Variants in TCF7L1 observed in about 807,000 individuals in gnomAD.
TCF7L1 encodes transcription factor 7-like 1.
Under a neutral mutation model 63.7 loss-of-function variants are expected in TCF7L1, and 18 were observed. The ratio of observed to expected loss-of-function variants is 0.28; its 90% CI spans 0.20 to 0.42. TCF7L1 has a LOEUF of 0.42. Among genes scored for constraint, TCF7L1 ranks in the 10% least tolerant of loss-of-function variants. The probability of loss-of-function intolerance (pLI) is 1.00; values close to 1 mark genes in which losing one functional copy is unlikely to be tolerated. For synonymous variants in TCF7L1, 355 were observed against 340.9 expected (o/e 1.04, Z -0.46); for missense variants, 654 against 779.3 (o/e 0.84, Z 1.91).
At chr2:85,243,742 A>G (rs1680394875) in intron 3 of TCF7L1, among the ~76,000 whole-genome samples, 1 of 152,056 alleles carries the variant, frequency 6.6e-6, no homozygotes, top group Non-Finnish European at 1.5e-5. Context: ...CGTTCAGGAG[A>G]TATACGCTGA....
chr2:85,261,773 G>C (rs1250041930), intron 3 of TCF7L1, among the ~76,000 whole-genome samples: 1 of 152,050 alleles, frequency 6.6e-6, no homozygotes, highest in Non-Finnish European at 1.5e-5. Flanking sequence ...TATAGTCCCA[G>C]CTACTCAAGA....
At chr2:85,214,722 G>A (rs529476871) in intron 3 of TCF7L1, among the ~76,000 whole-genome samples, 23 of 152,134 alleles carry the variant, frequency 1.5e-4, no homozygotes, top group African/African-American at 5.3e-4. Context: ...TAAGATGTGG[G>A]GAATCGCTCT....
intron 8 of TCF7L1, 88 bp downstream of exon 8, chr2:85,305,491 C>G (rs894675254): frequency 2.7e-6 from 4 of 1,460,270 alleles, no homozygotes; most frequent in African/African-American, 1.4e-5. Context: ...GTCATGTACT[C>G]TTCTCTCTTG....
At chr2:85,283,750 C>T (rs1329555060) in intron 4 of TCF7L1, among the ~76,000 whole-genome samples, 172 bp downstream of exon 4, 1 of 152,156 alleles carries the variant, frequency 6.6e-6, no homozygotes, top group African/African-American at 2.4e-5. Context: ...GTTGTGACCT[C>T]AACACACACA....
At chr2:85,155,209 C>T (rs746053825) in intron 3 of TCF7L1, among the ~76,000 whole-genome samples, 1 of 152,108 alleles carries the variant, frequency 6.6e-6, no homozygotes, top group Non-Finnish European at 1.5e-5. Flanking sequence ...TTCTGTCTTA[C>T]GAGAGGTTTG....
chr2:85,299,977 T>C (rs2104385413), intron 4 of TCF7L1, among the ~76,000 whole-genome samples: 1 of 151,924 alleles, frequency 6.6e-6, no homozygotes, highest in East Asian at 1.9e-4. Context: ...ATGGTGCAGT[T>C]ATGTTGTCTA....
At chr2:85,300,053 G>A (rs1055886869) in intron 4 of TCF7L1, among the ~76,000 whole-genome samples, 4 of 152,138 alleles carry the variant, frequency 2.6e-5, no homozygotes, top group African/African-American at 9.7e-5. Flanking sequence ...GTTATTCATA[G>A]TATATTTTTT....
At chr2:85,216,019 G>A (rs1679695226) in intron 3 of TCF7L1, among the ~76,000 whole-genome samples, 1 of 152,118 alleles carries the variant, frequency 6.6e-6, no homozygotes, top group African/African-American at 2.4e-5. Context: ...GCGCTGGGCG[G>A]GGGACAATCT....
At chr2:85,231,341 A>G (rs915021504) in intron 3 of TCF7L1, among the ~76,000 whole-genome samples, 1 of 152,176 alleles carries the variant, frequency 6.6e-6, no homozygotes, top group Non-Finnish European at 1.5e-5. Flanking sequence ...GAACCACTTC[A>G]CATCTGAGAA....
intron 3 of TCF7L1, among the ~76,000 whole-genome samples, chr2:85,181,254 G>A (rs999319998): frequency 5.3e-5 from 8 of 152,208 alleles, no homozygotes; most frequent in Non-Finnish European, 1.0e-4. Context: ...TGCATGTGAG[G>A]GGCAGGTAGC....
intron 3 of TCF7L1, among the ~76,000 whole-genome samples, chr2:85,159,509 C>T (rs1428872531): frequency 1.3e-5 from 2 of 152,232 alleles, no homozygotes; most frequent in Admixed American, 1.3e-4. Context: ...AGGAAGGGCA[C>T]ACATTGGCTG....
At chr2:85,248,495 G>C (rs529536004) in intron 3 of TCF7L1, among the ~76,000 whole-genome samples, 5 of 152,180 alleles carry the variant, frequency 3.3e-5, no homozygotes, top group Admixed American at 2.0e-4. Context: ...CCCCCAGGAG[G>C]CTGTTTCCAT....
intron 3 of TCF7L1, among the ~76,000 whole-genome samples, chr2:85,267,156 C>T (rs1439482240): frequency 5.9e-5 from 9 of 151,670 alleles, no homozygotes; most frequent in South Asian, 2.1e-4. Flanking sequence ...GCCTGGCTAA[C>T]GTGGTGAAAC....
chr2:85,302,134 CA>C (rs1681995213), intron 4 of TCF7L1, among the ~76,000 whole-genome samples: 1 of 150,604 alleles, frequency 6.6e-6, no homozygotes, highest in African/African-American at 2.4e-5. Flanking sequence ...TCTCAAAAAA[CA>C]AAACAAAACA....
In TCF7L1 at chr2:85,133,930, G is replaced by A. The variant is rs770866169; in HGVS notation, c.246G>A (p.Ser82=). Residue 82 remains serine, a synonymous_variant, in exon 1 of 12, where the codon TCG becomes TCA. Coordinates refer to ENST00000282111, the MANE Select transcript of TCF7L1 (RefSeq NM_031283.3). The surrounding 1 kb of genome is among the most constrained non-coding windows in gnomAD (Gnocchi z 4.4). Reference sequence around the variant, plus strand: ...AGAACCAGAGCAGCAGCTCGGACTCGGAGGTAAGGAAGCACCGCGGCCACC... The same window carrying A: ...AGAACCAGAGCAGCAGCTCGGACTCAGAGGTAAGGAAGCACCGCGGCCACC... ...ESENQSSSSD[S]EAERRPQPVR... is the part of the protein sequence containing the mutation. 8 of 1,535,746 alleles carry A rather than the reference G, an allele frequency of 5.2e-6. No homozygotes were observed. Among genetic ancestry groups the A allele is most frequent in the Non-Finnish European group, 7.0e-6 (8 of 1,137,096 alleles).
At chr2:85,155,093 G>A (rs1328073538) in intron 3 of TCF7L1, among the ~76,000 whole-genome samples, 1 of 152,210 alleles carries the variant, frequency 6.6e-6, no homozygotes, top group Non-Finnish European at 1.5e-5. Flanking sequence ...GGGATTACAG[G>A]TCTGAGGCAC....
chr2:85,196,785 A>G (rs549592842), intron 3 of TCF7L1, among the ~76,000 whole-genome samples: 2 of 152,272 alleles, frequency 1.3e-5, no homozygotes, highest in South Asian at 4.1e-4. Context: ...TGTTTTTCTG[A>G]ATTTATACAT....
chr2:85,224,472 C>T (rs984641579), intron 3 of TCF7L1, among the ~76,000 whole-genome samples: 1 of 152,134 alleles, frequency 6.6e-6, no homozygotes, highest in Non-Finnish European at 1.5e-5. Context: ...CTTTAATGAT[C>T]GCCATTCTAA....
At position 85,309,072 on chromosome 2, in the gene TCF7L1, G is replaced by A. The variant is rs1299778158; in HGVS notation, c.1377G>A (p.Leu459=). ...GCAAGAAGCCATGTGTTCAGTACCT[G>A]CCCCCCGAGAAGCCCTGTGACAGCC... is the stretch of plus-strand genomic sequence containing the variant. The part of the protein sequence containing the change: ...SKSKKPCVQY[L]PPEKPCDSPA... The change falls in exon 12 of 12, where the codon CTG becomes CTA. Residue 459 remains leucine (L), a synonymous_variant. Transcript: ENST00000282111. The A allele has an allele frequency of 1.2e-6, 2 of 1,611,874 alleles. No individual in the cohort carries two copies. The highest frequency in any genetic ancestry group is 1.7e-6 in the Non-Finnish European group (2 of 1,179,202).
Sources: allele counts gnomAD v4.1 joint callset (sites outside exome capture counted in the v4.1 genomes callset), GRCh38; gene constraint gnomAD v4.1.1; non-coding constraint Gnocchi (gnomAD v3.1); transcripts MANE v1.5; gene names NCBI Gene and HGNC (gene_info 2026-07-23, HGNC 2026-07-21).